The following YWHAE variants were observed in gnomAD, a reference collection of about 807,000 sequenced individuals.
YWHAE encodes tyrosine 3-monooxygenase/tryptophan 5-monooxygenase activation protein epsilon.
In YWHAE, 4 loss-of-function variants were observed where a neutral mutation model predicts 30.1. The ratio of observed to expected loss-of-function variants is 0.13; its 90% CI spans 0.07 to 0.30. The LOEUF is 0.30. Among genes scored for constraint, YWHAE ranks in the 10% least tolerant of loss-of-function variants. YWHAE has a pLI of 1.00. For synonymous variants in YWHAE, 118 were observed against 111.8 expected (o/e 1.06, Z -0.35); for missense variants, 121 against 315.9 (o/e 0.38, Z 4.68).
intron 1 of YWHAE, among the ~76,000 whole-genome samples, chr17:1,368,824 A>G (rs1166205677): frequency 6.6e-6 from 1 of 152,218 alleles, no homozygotes; most frequent in Non-Finnish European, 1.5e-5. Context: ...AATCTTAAGT[A>G]ACCCAGCTAC....
chr17:1,350,246 C>A (rs7213104), intron 5 of YWHAE, among the ~76,000 whole-genome samples: 152,251 of 152,252 alleles, frequency 1, 76,125 homozygotes, highest in Middle Eastern at 1. Flanking sequence ...GCCACTGCAC[C>A]AGGCCGTATT....
intron 5 of YWHAE, among the ~76,000 whole-genome samples, chr17:1,346,246 T>C (rs1256997952): frequency 6.6e-6 from 1 of 152,238 alleles, no homozygotes; most frequent in East Asian, 1.9e-4. Context: ...GTCATCTACC[T>C]ATTAGTATGC....
At chr17:1,356,804 C>CA (rs11436001) in intron 4 of YWHAE, among the ~76,000 whole-genome samples, 43,813 of 130,446 alleles carry the variant, frequency 0.34, 7,223 homozygotes, top group African/African-American at 0.49. Flanking sequence ...ACTAAAAATG[C>CA]AAAAAAAAAA....
chr17:1,370,272 G>A (rs368796957), intron 1 of YWHAE, among the ~76,000 whole-genome samples: 1 of 151,394 alleles, frequency 6.6e-6, no homozygotes, highest in Admixed American at 6.6e-5. Context: ...GACCACAGGC[G>A]CCCGTCACCA....
At chr17:1,379,822 T>C (rs1479415545) in intron 1 of YWHAE, among the ~76,000 whole-genome samples, 13 of 152,162 alleles carry the variant, frequency 8.5e-5, no homozygotes, top group Admixed American at 8.5e-4. Flanking sequence ...GATTTAAAAT[T>C]GTGTAAAATG....
intron 4 of YWHAE, among the ~76,000 whole-genome samples, chr17:1,358,118 G>C (rs932620686): frequency 1.3e-5 from 2 of 152,154 alleles, no homozygotes; most frequent in African/African-American, 4.8e-5. Context: ...GCCTGGTGCA[G>C]TGGCTCAGGC....
rs138795901 is a variant in YWHAE, at chr17:1,344,645, T to C, written c.*802A>G. ...CTGTATCTGTGGCTCCAGTCAGATA[T>C]CCAGTAGTACAAATTAGCTTCAAGT... On this transcript the variant is annotated 3_prime_UTR_variant, in exon 6 of 6. Transcript: ENST00000264335. The C allele has an allele frequency of 2.9e-4, 68 of 230,558 alleles. 1 individual carries two copies. The East Asian group carries it at 4.2e-3, about 14-fold the overall frequency. The allele number at this position is 230,558 out of a possible 1,614,324, so 14.3% of individuals were successfully genotyped here. A position where few individuals can be genotyped will look rare whatever the true frequency, so the allele number is the denominator to read the frequency against.
At chr17:1,347,320 AG>A (rs1299079175) in intron 5 of YWHAE, among the ~76,000 whole-genome samples, 2 of 150,348 alleles carry the variant, frequency 1.3e-5, no homozygotes, top group Non-Finnish European at 3.0e-5. Context: ...GCGACAATCG[AG>A]ACTCCGTCTC....
chr17:1,394,457 A>C (rs902478205), intron 1 of YWHAE, among the ~76,000 whole-genome samples: 33 of 149,414 alleles, frequency 2.2e-4, no homozygotes, highest in Non-Finnish European at 2.8e-4. Context: ...AAAAAAAAAA[A>C]AAAACACAAA....
chr17:1,362,853 C>T (rs1198778242), intron 2 of YWHAE, among the ~76,000 whole-genome samples: 2 of 152,108 alleles, frequency 1.3e-5, no homozygotes, highest in African/African-American at 4.8e-5. Flanking sequence ...CCAATAGAGA[C>T]TGGTCTAGGA....
At chr17:1,373,722 A>C (rs1016183377) in intron 1 of YWHAE, among the ~76,000 whole-genome samples, 9 of 152,088 alleles carry the variant, frequency 5.9e-5, no homozygotes, top group African/African-American at 1.4e-4. Flanking sequence ...ATGTGAACAG[A>C]GACAAGAAGT....
intron 5 of YWHAE, among the ~76,000 whole-genome samples, chr17:1,351,231 C>G (rs542101085): frequency 1.3e-4 from 20 of 151,838 alleles, no homozygotes; most frequent in African/African-American, 4.6e-4. Context: ...GTGGTGGTGG[C>G]AGACACCTGT....
At chr17:1,376,604 A>T (rs1232295678) in intron 1 of YWHAE, among the ~76,000 whole-genome samples, 1 of 152,118 alleles carries the variant, frequency 6.6e-6, no homozygotes, top group Admixed American at 6.6e-5. Flanking sequence ...GAATACAAAA[A>T]GCTTAGTTTC....
chr17:1,383,976 C>A (rs1301819135), intron 1 of YWHAE, among the ~76,000 whole-genome samples: 1 of 151,870 alleles, frequency 6.6e-6, no homozygotes, highest in African/African-American at 2.4e-5. Context: ...GAGGCCGAGG[C>A]ACGTGGATCA....
intron 1 of YWHAE, among the ~76,000 whole-genome samples, chr17:1,378,165 A>G (rs2073152106): frequency 6.6e-6 from 1 of 152,232 alleles, no homozygotes; most frequent in Non-Finnish European, 1.5e-5. Context: ...TATTTTCTTA[A>G]AAAGGAGTCA....
chr17:1,353,780 G>T (rs1375653513), intron 5 of YWHAE, among the ~76,000 whole-genome samples: 2 of 147,626 alleles, frequency 1.4e-5, no homozygotes, highest in South Asian at 2.1e-4. Context: ...AAAAAAAAGA[G>T]ACCCAAGGGC....
chr17:1,373,866 A>C (rs2073083676), intron 1 of YWHAE, among the ~76,000 whole-genome samples: 1 of 152,068 alleles, frequency 6.6e-6, no homozygotes, highest in Non-Finnish European at 1.5e-5. Context: ...AGAGCCATAC[A>C]GTATGGAGCC....
Position 1,400,003 on chromosome 17 carries a change from A to C in YWHAE, c.64+44T>G, listed in dbSNP as rs541482479. 6.2e-6 allele frequency: 10 copies of C among 1,610,552 alleles called. No homozygotes were observed. The Admixed American group carries it at 1.7e-4, about 27-fold the overall frequency. ...GTTCCCGGCCTCTGTGGGCGGCGGC[A>C]GAGGGTCCGAGAATTCCAGCCCCCC... On this transcript the variant is annotated intron_variant, in intron 1 of 5. Transcript: ENST00000264335.
At chr17:1,395,869 AGC>A (rs2073463046) in intron 1 of YWHAE, among the ~76,000 whole-genome samples, 1 of 152,244 alleles carries the variant, frequency 6.6e-6, no homozygotes, top group Admixed American at 6.5e-5. Context: ...CTGTAACCCC[AGC>A]ACTCTGGGAG....
Sources: gnomAD v4.1 joint callset for allele counts (sites outside exome capture counted in the v4.1 genomes callset) on GRCh38, gnomAD v4.1.1 for gene constraint, MANE v1.5 for transcripts, NCBI Gene and HGNC (gene_info 2026-07-23, HGNC 2026-07-21) for gene names.